The following GPHN variants were observed in gnomAD, a reference collection of about 807,000 sequenced individuals.
The protein encoded by GPHN is gephyrin.
In GPHN, 17 loss-of-function variants were observed where a neutral mutation model predicts 95.5. The ratio of observed to expected loss-of-function variants is 0.18; its 90% CI spans 0.12 to 0.27. The LOEUF (loss-of-function observed/expected upper bound fraction) is 0.27, where lower values mean the gene tolerates loss of function less well. Ranked by LOEUF, GPHN falls within the 10% of genes least tolerant of loss-of-function variation. The pLI is 1.00. For missense variants in GPHN, 660 were observed against 978.1 expected, an observed-to-expected ratio of 0.67 and a Z score of 4.34; for synonymous variants, 320 against 322.5, an observed-to-expected ratio of 0.99 and a Z score of 0.08.
the GPHN span, among the ~76,000 whole-genome samples, chr14:67,218,029 G>A: frequency 6.6e-6 from 1 of 151,996 alleles, no homozygotes; most frequent in Non-Finnish European, 1.5e-5. Flanking sequence ...TAGTCTCCAT[G>A]TAGTTTCTTT....
the GPHN span, among the ~76,000 whole-genome samples, chr14:67,273,365 A>C: frequency 2.0e-5 from 3 of 151,770 alleles, no homozygotes; most frequent in Admixed American, 6.6e-5. Context: ...GAGTGAGAAC[A>C]TGCAGTGTTT....
At chr14:66,712,602 A>G (rs2069759985) in intron 2 of GPHN, among the ~76,000 whole-genome samples, 1 of 152,108 alleles carries the variant, frequency 6.6e-6, no homozygotes, top group Admixed American at 6.6e-5. Flanking sequence ...GTTCACTCTG[A>G]TGGTAGTTTC....
chr14:67,327,887 A>G, the GPHN span, among the ~76,000 whole-genome samples: 2 of 151,852 alleles, frequency 1.3e-5, no homozygotes, highest in East Asian at 1.9e-4. Context: ...CCAGTCTATC[A>G]TTGATTTGGG....
At chr14:66,698,501 T>A (rs1302953601) in intron 2 of GPHN, among the ~76,000 whole-genome samples, 1 of 152,234 alleles carries the variant, frequency 6.6e-6, no homozygotes, top group Non-Finnish European at 1.5e-5. Flanking sequence ...TCAGGATTTA[T>A]TCTGAATCAG....
At chr14:67,180,771 T>A (rs1390704615) in intron 22 of GPHN, 33 bp from the exon 23 acceptor site, 1 of 1,609,224 alleles carries the variant, frequency 6.2e-7, no homozygotes, top group Non-Finnish European at 8.5e-7. Context: ...GCCATGATGC[T>A]TATGCTGCTG....
chr14:66,733,306 CTT>C (rs879368479), intron 2 of GPHN, among the ~76,000 whole-genome samples: 3 of 143,064 alleles, frequency 2.1e-5, no homozygotes. Flanking sequence ...AATTAAACCT[CTT>C]TTTTTTTTTT....
At chr14:66,856,909 T>A (rs1020871248) in intron 4 of GPHN, among the ~76,000 whole-genome samples, 3 of 152,084 alleles carry the variant, frequency 2.0e-5, no homozygotes, top group African/African-American at 7.2e-5. Flanking sequence ...TTCAGTGTAT[T>A]TTTTTCCTTC....
At chr14:67,401,035 G>A in the GPHN span, among the ~76,000 whole-genome samples, 4 of 152,144 alleles carry the variant, frequency 2.6e-5, no homozygotes, top group East Asian at 5.8e-4. Flanking sequence ...GATGCACTGT[G>A]TGTCTGTGTG....
chr14:67,131,539 C>T (rs1384565278), intron 17 of GPHN, among the ~76,000 whole-genome samples: 5 of 152,084 alleles, frequency 3.3e-5, no homozygotes, highest in Non-Finnish European at 7.4e-5. Flanking sequence ...TAGGAGCAGG[C>T]CAGAAAGTAT....
the GPHN span, among the ~76,000 whole-genome samples, chr14:67,561,443 C>T: frequency 2.0e-5 from 3 of 152,072 alleles, no homozygotes; most frequent in South Asian, 2.1e-4. Flanking sequence ...CCCAGCTACT[C>T]GGGAGGCTGA....
intron 1 of GPHN, among the ~76,000 whole-genome samples, chr14:66,635,233 G>A (rs2064033467): frequency 6.6e-6 from 1 of 152,134 alleles, no homozygotes; most frequent in Non-Finnish European, 1.5e-5. Context: ...CAAATCCTTA[G>A]ATGTTACACT....
At chr14:67,527,861 G>C in the GPHN span, among the ~76,000 whole-genome samples, 13 of 152,324 alleles carry the variant, frequency 8.5e-5, no homozygotes, top group East Asian at 2.1e-3. Flanking sequence ...CTGCATGTAG[G>C]ACCCCACCCC....
chr14:66,927,498 G>T (rs112683802), intron 8 of GPHN, among the ~76,000 whole-genome samples: 2 of 152,174 alleles, frequency 1.3e-5, no homozygotes, highest in Non-Finnish European at 2.9e-5. Flanking sequence ...AGGATAATTT[G>T]ATCTCTTCCT....
the GPHN span, among the ~76,000 whole-genome samples, chr14:67,484,199 A>T: frequency 6.6e-6 from 1 of 152,114 alleles, no homozygotes; most frequent in Non-Finnish European, 1.5e-5. Context: ...GTCTCTCCTC[A>T]ACTAGAATGA....
intron 9 of GPHN, among the ~76,000 whole-genome samples, chr14:67,010,052 C>T (rs2072881769): frequency 6.6e-6 from 1 of 151,880 alleles, no homozygotes; most frequent in African/African-American, 2.4e-5. Context: ...AGCCACCATG[C>T]CCAGCCGTGT....
At chr14:66,702,643 C>T (rs577295467) in intron 2 of GPHN, among the ~76,000 whole-genome samples, 3 of 152,270 alleles carry the variant, frequency 2.0e-5, no homozygotes, top group Non-Finnish European at 4.4e-5. Context: ...ATGAAAACCC[C>T]ATCCAAGGGT....
chr14:67,221,081 T>C, the GPHN span, among the ~76,000 whole-genome samples: 1 of 152,152 alleles, frequency 6.6e-6, no homozygotes, highest in Non-Finnish European at 1.5e-5. Flanking sequence ...CCAATGAGGT[T>C]AAGGAAATAA....
intron 17 of GPHN, among the ~76,000 whole-genome samples, chr14:67,135,873 C>G (rs1233032269): frequency 6.6e-6 from 1 of 152,064 alleles, no homozygotes; most frequent in African/African-American, 2.4e-5. Flanking sequence ...TTCTGCATGA[C>G]TTCTATCTTT....
rs571263537 is a variant in GPHN, at chr14:67,086,618, C to T, written c.1145-2365C>T. 2.9e-3 allele frequency among the ~76,000 whole-genome samples: 431 copies of T among 147,650 alleles called. 3 individuals are homozygous for T. The highest frequency in any genetic ancestry group is 0.01 in the African/African-American group (414 of 40,002). ...AGTGAGCCGAGATTGCGCCACTGCACTCCAGCCTGGGCGACAGCGAGACTC... is the reference window on the plus strand; with the variant it reads ...AGTGAGCCGAGATTGCGCCACTGCATTCCAGCCTGGGCGACAGCGAGACTC... On this transcript the variant is annotated intron_variant, in intron 11 of 22. Transcript: ENST00000478722.
Sources: allele counts gnomAD v4.1 joint callset (sites outside exome capture counted in the v4.1 genomes callset), GRCh38; gene constraint gnomAD v4.1.1; transcripts MANE v1.5; gene names NCBI Gene and HGNC (gene_info 2026-07-23, HGNC 2026-07-21).